The following ENTREP2 variants were observed in gnomAD, a reference collection of about 807,000 sequenced individuals.
ENTREP2 encodes the protein endosomal transmembrane epsin interactor 2.
the ENTREP2 span, among the ~76,000 whole-genome samples, chr15:29,289,399 T>G: frequency 1.4e-4 from 22 of 152,152 alleles, no homozygotes; most frequent in African/African-American, 5.1e-4. Flanking sequence ...TGAAAATGAC[T>G]GACAACATCA....
At chr15:29,655,524 C>A in the ENTREP2 span, among the ~76,000 whole-genome samples, 1 of 152,250 alleles carries the variant, frequency 6.6e-6, no homozygotes, top group South Asian at 2.1e-4. Context: ...AAAAAGCAAT[C>A]CCCAGTCAAA....
At chr15:29,555,568 G>A in the ENTREP2 span, among the ~76,000 whole-genome samples, 1 of 152,216 alleles carries the variant, frequency 6.6e-6, no homozygotes, top group Non-Finnish European at 1.5e-5. Flanking sequence ...ACCATGACGA[G>A]CAGCACTCTC....
the ENTREP2 span, among the ~76,000 whole-genome samples, chr15:29,309,069 T>C: frequency 6.6e-6 from 1 of 152,156 alleles, no homozygotes; most frequent in African/African-American, 2.4e-5. Flanking sequence ...ACATAAAACA[T>C]ATATAAATTG....
At chr15:29,286,067 TACA>T in the ENTREP2 span, among the ~76,000 whole-genome samples, 1 of 152,196 alleles carries the variant, frequency 6.6e-6, no homozygotes, top group Non-Finnish European at 1.5e-5. Flanking sequence ...AAACAATCAC[TACA>T]ACAACTTCCA....
At chr15:29,206,615 A>T in the ENTREP2 span, among the ~76,000 whole-genome samples, 1,687 of 152,242 alleles carry the variant, frequency 0.011, 15 homozygotes, top group African/African-American at 0.023. Context: ...AAACCAGCTT[A>T]GCAGTTGTCT....
the ENTREP2 span, among the ~76,000 whole-genome samples, chr15:29,470,209 A>G: frequency 1.3e-5 from 2 of 152,162 alleles, no homozygotes; most frequent in East Asian, 1.9e-4. Context: ...GCCACTCAAG[A>G]TTGGCAGAGG....
chr15:29,136,338 T>C, the ENTREP2 span: 2 of 1,471,132 alleles, frequency 1.4e-6, no homozygotes, highest in Non-Finnish European at 1.8e-6. Flanking sequence ...CCACGGGAAC[T>C]GGCTTTGTCT....
At chr15:29,582,958 T>A in the ENTREP2 span, among the ~76,000 whole-genome samples, 516 of 152,232 alleles carry the variant, frequency 3.4e-3, 3 homozygotes, top group African/African-American at 0.012. Flanking sequence ...CCTGAATTTT[T>A]AAAAAGATTT....
chr15:29,208,257 C>G, the ENTREP2 span, among the ~76,000 whole-genome samples: 88 of 151,496 alleles, frequency 5.8e-4, 2 homozygotes, highest in South Asian at 0.017. Flanking sequence ...AACGTGAAAC[C>G]TACTTGCCAT....
the ENTREP2 span, among the ~76,000 whole-genome samples, chr15:29,520,753 CTG>C: frequency 3.9e-5 from 6 of 152,254 alleles, no homozygotes; most frequent in African/African-American, 1.4e-4. Context: ...CAAGATGCAA[CTG>C]TATTTCTATA....
chr15:29,156,184 G>A, the ENTREP2 span, among the ~76,000 whole-genome samples: 1 of 147,912 alleles, frequency 6.8e-6, no homozygotes, highest in African/African-American at 2.5e-5. Flanking sequence ...TGGCGTTTTT[G>A]TTTTGTTTTG....
At chr15:29,466,983 G>A in the ENTREP2 span, among the ~76,000 whole-genome samples, 1 of 143,310 alleles carries the variant, frequency 7.0e-6, no homozygotes, top group Non-Finnish European at 1.5e-5. Context: ...AGCCCCCAGG[G>A]GAGGGCCCGG....
the ENTREP2 span, among the ~76,000 whole-genome samples, chr15:29,135,111 C>T: frequency 1.3e-5 from 2 of 151,440 alleles, no homozygotes; most frequent in African/African-American, 2.4e-5. This position sits in a 1 kb window ranked among gnomAD's most constrained non-coding sequence, Gnocchi z 7.4. Flanking sequence ...TTGGCTTCAG[C>T]CCCTACCCCC....
At chr15:29,653,536 T>A in the ENTREP2 span, among the ~76,000 whole-genome samples, 2 of 152,110 alleles carry the variant, frequency 1.3e-5, no homozygotes, top group African/African-American at 4.8e-5. Context: ...TCATAGTGAG[T>A]GAGATGTCAT....
chr15:29,439,284 TACACACACAC>T, the ENTREP2 span, among the ~76,000 whole-genome samples: 523 of 97,134 alleles, frequency 5.4e-3, 6 homozygotes, highest in Middle Eastern at 0.027. Context: ...AAATTGGAAT[TACACACACAC>T]ACACACACAC....
chr15:29,219,971 C>A, the ENTREP2 span, among the ~76,000 whole-genome samples: 1 of 151,706 alleles, frequency 6.6e-6, no homozygotes, highest in Admixed American at 6.6e-5. Flanking sequence ...AAAGATCCTA[C>A]GCATGCAACC....
chr15:29,510,249 A>G, the ENTREP2 span, among the ~76,000 whole-genome samples: 11,634 of 152,260 alleles, frequency 0.076, 496 homozygotes, highest in African/African-American at 0.095. Context: ...TCAGGAAACA[A>G]AAGATGCTGG....
At chr15:29,428,336 C>T in the ENTREP2 span, among the ~76,000 whole-genome samples, 4 of 152,168 alleles carry the variant, frequency 2.6e-5, no homozygotes, top group African/African-American at 4.8e-5. Flanking sequence ...GCTTCAGCCT[C>T]CCGAGTAGCT....
chr15:29,633,744 T>C, the ENTREP2 span, among the ~76,000 whole-genome samples: 1 of 152,088 alleles, frequency 6.6e-6, no homozygotes, highest in Non-Finnish European at 1.5e-5. Context: ...GAGGATCACC[T>C]GAGCTCGGGA....
Sources: allele counts gnomAD v4.1 joint callset (sites outside exome capture counted in the v4.1 genomes callset), GRCh38; gene constraint gnomAD v4.1.1; non-coding constraint Gnocchi (gnomAD v3.1); transcripts MANE v1.5; gene names NCBI Gene and HGNC (gene_info 2026-07-23, HGNC 2026-07-21).